The following IFT140 variants were observed in gnomAD, a reference collection of about 807,000 sequenced individuals.
The protein encoded by IFT140 is intraflagellar transport protein 140 homolog.
A neutral mutation model predicts 164.6 loss-of-function variants in IFT140; 133 were observed. That is an observed-to-expected ratio of 0.81 (90% confidence interval 0.70 to 0.93). The LOEUF is 0.93. IFT140 is among the 40% of genes least tolerant of loss of function. The pLI is 0.00. For synonymous variants in IFT140, 860 were observed against 817.3 expected (o/e 1.05, Z -0.89); for missense variants, 2,045 against 1,972.3 (o/e 1.04, Z -0.70).
chr16:1,518,596 C>G (rs1263552174), intron 29 of IFT140, among the ~76,000 whole-genome samples: 4 of 152,012 alleles, frequency 2.6e-5, no homozygotes, highest in Non-Finnish European at 5.9e-5. Flanking sequence ...CCAAAGACTT[C>G]CGACCCCTAG....
rs139636369 is a variant in IFT140 at position 1,559,115 on chromosome 16, C to T, written c.2200-981G>A. ...GGCGATGGAGTGGAGGGCCTGAGGA[C>T]GGATGTGACTGGGGCCCATCTGCAG... On this transcript the variant is annotated intron_variant, in intron 18 of 30. Coordinates refer to ENST00000426508, the MANE Select transcript of IFT140 (RefSeq NM_014714.4). Among the ~76,000 whole-genome samples, 93 of 152,298 alleles carry T rather than the reference C, an allele frequency of 6.1e-4. 2 individuals carry two copies. The East Asian group carries it at 0.017, about 28-fold the overall frequency.
intron 19 of IFT140, among the ~76,000 whole-genome samples, chr16:1,554,426 A>G (rs1170910874): frequency 1.3e-5 from 2 of 152,216 alleles, no homozygotes; most frequent in African/African-American, 2.4e-5. Context: ...TGTTGCAAGC[A>G]TCAGTGCTGA....
rs760597633 is a variant in IFT140 at position 1,568,343 on chromosome 16, AG to A, written c.1653-10del. On this transcript the variant is annotated splice_polypyrimidine_tract_variant and intron_variant, in intron 14 of 30. Transcript: ENST00000426508. Reference sequence around the variant, plus strand: ...AGTGTGCTTTGGCCTCTCTGCAGGGAGGAAGAGGGACCTCAGTGCCCGCCAG... The same window carrying A: ...AGTGTGCTTTGGCCTCTCTGCAGGGAGAAGAGGGACCTCAGTGCCCGCCAG... 9 of 1,608,728 alleles carry A rather than the reference AG, an allele frequency of 5.6e-6. No individual in the cohort carries two copies. In the African/African-American group the frequency reaches 9.4e-5, roughly 17 times the overall value.
At position 1,553,414 on chromosome 16, in the gene IFT140, G is replaced by A; in HGVS notation, c.2399+4521C>T. The A allele has an allele frequency of 1.0e-6, 1 of 985,402 alleles. No homozygotes were observed. The highest frequency in any genetic ancestry group is 4.7e-5 in the South Asian group (1 of 21,286). The allele number at this position is 985,402 out of a possible 1,614,324, so 61.0% of individuals were successfully genotyped here. ...TGGTTTCCTGGGGAATGCAGGGGAGGCGGTTGGGAGTGGAGAGACCGGCAT... is the reference window on the plus strand; with the variant it reads ...TGGTTTCCTGGGGAATGCAGGGGAGACGGTTGGGAGTGGAGAGACCGGCAT... On this transcript the variant is annotated intron_variant, in intron 19 of 30. Transcript: ENST00000426508. This position sits in a 1 kb window ranked among gnomAD's most constrained non-coding sequence, Gnocchi z 4.4.
At chr16:1,530,950 G>C (rs1254996620) in intron 19 of IFT140, 1 of 152,342 alleles carries the variant, frequency 6.6e-6, no homozygotes, top group African/African-American at 2.4e-5. Context: ...CTGCCAGGCC[G>C]AGGCTGCTGG....
At position 1,519,942 on chromosome 16, in the gene IFT140, T is replaced by G; in HGVS notation, c.3979A>C (p.Thr1327Pro). 1.2e-6 allele frequency: 2 copies of G among 1,604,516 alleles called. No individual in the cohort carries two copies. Among genetic ancestry groups the G allele is most frequent in the Non-Finnish European group, 1.7e-6 (2 of 1,176,204 alleles). ...AKAKSPLDQE[T>P]RLAQLQSRMA... Reference sequence around the variant, plus strand: ...CTGCTCTGCAGCTGCGCCAGCCTGGTCTCCTGGTCCAGGGGGCTCTTGGCC... The same window carrying G: ...CTGCTCTGCAGCTGCGCCAGCCTGGGCTCCTGGTCCAGGGGGCTCTTGGCC... Residue 1327 changes from threonine (T) to proline (P), a missense_variant, in exon 29 of 31, where the codon ACC (threonine) becomes CCC (proline). By Grantham distance (38) the Thr-to-Pro change is conservative. Transcript: ENST00000426508.
chr16:1,542,705 G>T (rs2031767236), intron 19 of IFT140, among the ~76,000 whole-genome samples: 1 of 152,282 alleles, frequency 6.6e-6, no homozygotes, highest in South Asian at 2.1e-4. Context: ...GCCTGCACGA[G>T]CACATGCTGT....
rs193167929 is a variant in IFT140, at chr16:1,576,973, T to G, written c.1524+3786A>C. 5.9e-5 allele frequency: 9 copies of G among 152,336 alleles called. No individual in the cohort carries two copies. In the East Asian group the frequency reaches 1.7e-3, roughly 29 times the overall value. 9.4% of individuals were successfully genotyped at this position (152,336 alleles called of 1,614,324 possible). A position where few individuals can be genotyped will look rare whatever the true frequency, so the allele number is the denominator to read the frequency against. On this transcript the variant is annotated intron_variant, in intron 13 of 30. Transcript: ENST00000426508. The stretch of plus-strand genomic sequence containing the variant: ...CCCTTAAAATGTTGTGCAGTGCTAA[T>G]CACCTCCGAGTGGGCAGCTCCTCTC...
Position 1,592,189 on chromosome 16 carries a change from G to A in IFT140, c.621C>T (p.Val207=), listed in dbSNP as rs1257821160. The change falls in exon 6 of 31, where the codon GTC becomes GTT. Residue 207 remains valine, a synonymous_variant. Transcript: ENST00000426508. The part of the protein sequence containing the change: ...MGSHEGLLFF[V]SLMDGTVHYV... ...AAAGTTCCTCACCGTCCATCAGACT[G>A]ACAAAGAACAACAGCCCCTCGTGAG... is the stretch of plus-strand genomic sequence containing the variant. 8.1e-6 allele frequency: 13 copies of A among 1,614,026 alleles called. No homozygotes were observed. Among genetic ancestry groups the A allele is most frequent in the East Asian group, 2.2e-5 (1 of 44,894 alleles).
At chr16:1,534,625 G>T in intron 19 of IFT140, 1 of 1,589,106 alleles carries the variant, frequency 6.3e-7, no homozygotes, top group Non-Finnish European at 8.5e-7. Flanking sequence ...GATGTTAGGC[G>T]CGGACCTGGT....
intron 26 of IFT140, 90 bp downstream of exon 26, chr16:1,523,428 G>A: frequency 7.1e-7 from 1 of 1,403,440 alleles, no homozygotes; most frequent in Non-Finnish European, 9.7e-7. Context: ...TCATAACCAA[G>A]CAAGCAGCCA....
chr16:1,601,320 G>A (rs1391771320), intron 4 of IFT140, among the ~76,000 whole-genome samples: 1 of 151,904 alleles, frequency 6.6e-6, no homozygotes, highest in Non-Finnish European at 1.5e-5. Flanking sequence ...CAACGTATGA[G>A]CCTTTACTGG....
intron 19 of IFT140, among the ~76,000 whole-genome samples, chr16:1,546,041 C>T (rs949361408): frequency 3.9e-5 from 6 of 152,248 alleles, no homozygotes; most frequent in Admixed American, 6.5e-5. Context: ...TCTCCCCTCT[C>T]CTCCTCGTGG....
intron 30 of IFT140, 130 bp downstream of exon 30, chr16:1,518,086 C>T (rs2040414551): frequency 1.2e-6 from 1 of 854,666 alleles, no homozygotes; most frequent in Non-Finnish European, 1.8e-6. Context: ...CATTCTCCTG[C>T]CTCAGCCTCC....
intron 26 of IFT140, 75 bp downstream of exon 26, chr16:1,523,443 C>A: frequency 6.7e-7 from 1 of 1,500,098 alleles, no homozygotes; most frequent in Non-Finnish European, 9.0e-7. Flanking sequence ...CAGCCATTCC[C>A]ACAGCCTCTG....
Position 1,589,715 on chromosome 16 carries a change from G to T in IFT140, c.700C>A (p.Gln234Lys), listed in dbSNP as rs768368027. 3 of 1,614,136 alleles carry T rather than the reference G, an allele frequency of 1.9e-6. No homozygotes were observed. The highest frequency in any genetic ancestry group is 1.7e-6 in the Non-Finnish European group (2 of 1,179,996). ...TQVVSADSTIQMLFYMEKREA... is the reference protein window; with the variant it reads ...TQVVSADSTIKMLFYMEKREA... The stretch of plus-strand genomic sequence containing the variant: ...CTCTTCTCCATGTAGAACAGCATCT[G>T]AATCGTGCTGTCTGCGGACACCACC... Residue 234 changes from glutamine (Q) to lysine (K), a missense_variant, in exon 7 of 31, where the codon CAG becomes AAG. Gln to Lys is a moderately conservative substitution (Grantham distance 53). Transcript: ENST00000426508.
intron 19 of IFT140, among the ~76,000 whole-genome samples, chr16:1,535,956 C>T (rs1425382536): frequency 1.3e-5 from 2 of 152,266 alleles, no homozygotes; most frequent in Non-Finnish European, 2.9e-5. Flanking sequence ...CAGACTCTGC[C>T]TGCTCTGCTG....
intron 13 of IFT140, among the ~76,000 whole-genome samples, chr16:1,575,122 T>C (rs556378147): frequency 6.6e-6 from 1 of 151,072 alleles, no homozygotes; most frequent in East Asian, 2.0e-4. Flanking sequence ...CCCAACACTT[T>C]GGGAGGCTGA....
At chr16:1,524,508 G>T in intron 24 of IFT140, 44 bp downstream of exon 24, 1 of 1,604,732 alleles carries the variant, frequency 6.2e-7, no homozygotes. Flanking sequence ...CTCTCCTCAG[G>T]GGACCTCGAG....
Sources: allele counts gnomAD v4.1 joint callset (sites outside exome capture counted in the v4.1 genomes callset), GRCh38; gene constraint gnomAD v4.1.1; non-coding constraint Gnocchi (gnomAD v3.1); transcripts MANE v1.5; gene names NCBI Gene and HGNC (gene_info 2026-07-23, HGNC 2026-07-21).